ENTPD6: variants seen among roughly 807,000 people sequenced by gnomAD.
ENTPD6 encodes the protein CD39 antigen-like 2.
A neutral mutation model predicts 61.5 loss-of-function variants in ENTPD6; 46 were observed. That is an observed-to-expected ratio of 0.75 (90% CI 0.59 to 0.96). The LOEUF (loss-of-function observed/expected upper bound fraction) is 0.96, where lower values mean the gene tolerates loss of function less well. Ranked by LOEUF, ENTPD6 falls within the 40% of genes least tolerant of loss-of-function variation. The pLI, the probability that ENTPD6 is intolerant of heterozygous loss-of-function variation, is 0.00. For synonymous variants in ENTPD6, 252 were observed against 255.5 expected, an observed-to-expected ratio of 0.99 and a Z score of 0.13; for missense variants, 612 against 629.0, an observed-to-expected ratio of 0.97 and a Z score of 0.29.
chr20:25,217,508 C>T lies in ENTPD6; in HGVS notation c.805C>T (p.Leu269=). The T allele has an allele frequency of 6.2e-7, 1 of 1,614,160 alleles. No homozygotes were observed. Among genetic ancestry groups the T allele is most frequent in the East Asian group, 2.2e-5 (1 of 44,884 alleles). The change falls in exon 9 of 15, where the codon CTG becomes TTG. Residue 269 remains leucine (L), a synonymous_variant. Coordinates refer to ENST00000376652, the MANE Select transcript of ENTPD6 (RefSeq NM_001247.5). The part of the protein sequence containing the change: ...IAFLPRVEGT[L]QASPPGYLTA... The stretch of plus-strand genomic sequence containing the variant: ...TACCCTCGTTCTTCTCCAGGGCACC[C>T]TGCAGGCCTCCCCACCCGGCTACCT...
At chr20:25,225,381 C>G (rs867860051) in intron 14 of ENTPD6, 64 bp downstream of exon 14, 3 of 1,595,856 alleles carry the variant, frequency 1.9e-6, no homozygotes, top group Non-Finnish European at 1.7e-6. Flanking sequence ...AACCACTTCT[C>G]CAGTTGCTGG....
At chr20:25,213,240 C>G (rs763762818) in intron 4 of ENTPD6, 23 bp from the exon 5 acceptor site, 2 of 1,614,174 alleles carry the variant, frequency 1.2e-6, no homozygotes, top group South Asian at 2.2e-5. Context: ...ACAGACCCTG[C>G]TTTGCTCTTA....
intron 1 of ENTPD6, among the ~76,000 whole-genome samples, chr20:25,205,866 C>T (rs3787075): frequency 6.6e-6 from 1 of 152,082 alleles, no homozygotes; most frequent in East Asian, 1.9e-4. Context: ...GCCTGCTCCC[C>T]GTGCTTTGCC....
At chr20:25,214,748 C>G in intron 5 of ENTPD6, 119 bp from the exon 6 acceptor site, 1 of 668,034 alleles carries the variant, frequency 1.5e-6, no homozygotes, top group Non-Finnish European at 2.7e-6. Context: ...CAACCAGTTA[C>G]AGATTTTTTC....
At chr20:25,224,964 C>T (rs368243199) in intron 13 of ENTPD6, 7 of 572,590 alleles carry the variant, frequency 1.2e-5, no homozygotes, top group Middle Eastern at 4.6e-4. Context: ...GACATTGGCC[C>T]ATGACCCTAA....
chr20:25,202,043 G>T (rs574708296), intron 1 of ENTPD6, among the ~76,000 whole-genome samples: 1 of 152,146 alleles, frequency 6.6e-6, no homozygotes, highest in Admixed American at 6.5e-5. Flanking sequence ...CACATAGTTT[G>T]TATGTTATAT....
intron 13 of ENTPD6, chr20:25,224,463 C>G (rs1402475618): frequency 8.9e-6 from 2 of 225,928 alleles, no homozygotes; most frequent in Admixed American, 5.7e-5. Context: ...GAAGCCAAGG[C>G]CCTACAGAAT....
chr20:25,198,334 G>A (rs1166845511), intron 1 of ENTPD6, among the ~76,000 whole-genome samples: 1 of 152,098 alleles, frequency 6.6e-6, no homozygotes, highest in Non-Finnish European at 1.5e-5. Flanking sequence ...AAATTAGCTG[G>A]GCGTGGTGGT....
intron 11 of ENTPD6, chr20:25,222,627 C>T (rs1264666062): frequency 1.3e-5 from 7 of 542,268 alleles, no homozygotes; most frequent in Admixed American, 1.0e-4. Context: ...TCACTCCCTG[C>T]GCCGGGACCA....
intron 10 of ENTPD6, 130 bp from the exon 11 acceptor site, chr20:25,221,102 C>T: frequency 7.6e-6 from 5 of 659,134 alleles, no homozygotes; most frequent in Admixed American, 2.8e-5. Context: ...GTTGCCTTCC[C>T]AGTGGACCTG....
chr20:25,222,746 C>A, intron 11 of ENTPD6, 92 bp from the exon 12 acceptor site: 1 of 1,520,426 alleles, frequency 6.6e-7, no homozygotes, highest in Non-Finnish European at 8.8e-7. Context: ...CAATTCAGGT[C>A]AGAGTCTCAA....
In ENTPD6 at chr20:25,225,639, C is replaced by A; in HGVS notation, c.*42C>A. The A allele has an allele frequency of 6.6e-7, 1 of 1,525,350 alleles. No homozygotes were observed. The highest frequency in any genetic ancestry group is 9.1e-7 in the Non-Finnish European group (1 of 1,104,292). 94.5% of individuals were successfully genotyped at this position (1,525,350 alleles called of 1,614,324 possible). ...GTCCCCGTCAGCAGTGTCTGTGTGT[C>A]TGCATAAACCCTCCTGTCCTGGACG... On this transcript the variant is annotated 3_prime_UTR_variant, in exon 15 of 15. Coordinates refer to ENST00000376652, the MANE Select transcript of ENTPD6 (RefSeq NM_001247.5).
chr20:25,221,965 C>T (rs41308080), intron 11 of ENTPD6: 283 of 155,480 alleles, frequency 1.8e-3, no homozygotes, highest in Non-Finnish European at 3.1e-3. Context: ...TGAAGCTCAT[C>T]GGGAAAGCCT....
intron 6 of ENTPD6, among the ~76,000 whole-genome samples, chr20:25,215,404 A>C (rs2092257682): frequency 6.6e-6 from 1 of 152,172 alleles, no homozygotes; most frequent in Non-Finnish European, 1.5e-5. Context: ...TGCTTCTTCC[A>C]AAAAGAGGAG....
intron 5 of ENTPD6, 74 bp from the exon 6 acceptor site, chr20:25,214,793 C>A: frequency 2.1e-6 from 2 of 949,388 alleles, no homozygotes; most frequent in Non-Finnish European, 3.4e-6. Flanking sequence ...ACTTGACTAG[C>A]TAGCTAGCTA....
At chr20:25,218,646 C>G (rs1487471433) in intron 10 of ENTPD6, 32 bp downstream of exon 10, 2 of 1,567,996 alleles carry the variant, frequency 1.3e-6, no homozygotes, top group Admixed American at 3.6e-5. Context: ...GGCCCACTTT[C>G]ACAGCCTCTG....
chr20:25,203,482 A>G (rs1286085437), intron 1 of ENTPD6, among the ~76,000 whole-genome samples: 2 of 152,162 alleles, frequency 1.3e-5, no homozygotes, highest in African/African-American at 4.8e-5. Flanking sequence ...CTCTGACTTG[A>G]TATTTTCAAA....
chr20:25,225,334 G>A lies in ENTPD6; in HGVS notation c.1356+17G>A. ...GTGCTGAAGGTAAGGGTGCCCTCAG[G>A]TCACGCCCCAGCCCCTTTATGGAGT... On this transcript the variant is annotated intron_variant, in intron 14 of 14. Coordinates refer to ENST00000376652, the MANE Select transcript of ENTPD6 (RefSeq NM_001247.5). 1.2e-6 allele frequency: 2 copies of A among 1,612,292 alleles called. No individual in the cohort carries two copies. Among genetic ancestry groups the A allele is most frequent in the South Asian group, 1.1e-5 (1 of 90,992 alleles).
chr20:25,206,184 C>T (rs1026317495), intron 1 of ENTPD6, among the ~76,000 whole-genome samples: 5 of 152,214 alleles, frequency 3.3e-5, no homozygotes, highest in Non-Finnish European at 4.4e-5. Context: ...CACGTAGCTG[C>T]GGGCAGAGCC....
Sources: allele counts gnomAD v4.1 joint callset (sites outside exome capture counted in the v4.1 genomes callset), GRCh38; gene constraint gnomAD v4.1.1; transcripts MANE v1.5; gene names NCBI Gene and HGNC (gene_info 2026-07-23, HGNC 2026-07-21).